The following TTN variants were observed in gnomAD, a reference collection of about 807,000 sequenced individuals.
TTN encodes connectin.
A neutral mutation model predicts 3,223.0 loss-of-function variants in TTN; 1,525 were observed. The observed-to-expected ratio is 0.47, with a 90% CI of 0.45 to 0.49. The LOEUF is 0.49. Ranked by LOEUF, TTN falls within the 20% of genes least tolerant of loss-of-function variation. The probability of loss-of-function intolerance (pLI) is 0.00; values close to 1 mark genes in which losing one functional copy is unlikely to be tolerated. For missense variants in TTN, 40,786 were observed against 43,424.0 expected (o/e 0.94, Z 5.40); for synonymous variants, 14,094 against 15,161.0 (o/e 0.93, Z 5.17).
At chr2:178,690,706 T>C (rs2072181134) in intron 121 of TTN, among the ~76,000 whole-genome samples, 1 of 152,210 alleles carries the variant, frequency 6.6e-6, no homozygotes, top group Non-Finnish European at 1.5e-5. Flanking sequence ...CCTGCACCTC[T>C]GCACGTGCAT....
chr2:178,589,138 C>A lies in TTN; in HGVS notation c.62587G>T (p.Asp20863Tyr). 6.2e-7 allele frequency: 1 copy of A among 1,613,132 alleles called. No homozygotes were observed. The highest frequency in any genetic ancestry group is 1.1e-5 in the South Asian group (1 of 91,072). The change falls in exon 304 of 363, where the codon GAT becomes TAT. Residue 20863 changes from aspartate (D) to tyrosine (Y), a missense_variant. Transcript: ENST00000589042. ...FVAYATVNVL[D>Y]KPGPVRNLKI... The stretch of plus-strand genomic sequence containing the variant: ...AGATTTCTCACAGGACCAGGCTTAT[C>A]TAAAACATTGACAGTGGCATAGGCC...
chr2:178,768,318 A>G (rs2090886166), intron 38 of TTN, among the ~76,000 whole-genome samples, 163 bp from the exon 39 acceptor site: 1 of 152,210 alleles, frequency 6.6e-6, no homozygotes, highest in South Asian at 2.1e-4. Context: ...TCATTCCCCA[A>G]GAAGAAATCA....
Position 178,633,605 on chromosome 2 carries a change from A to C in TTN, c.42754T>G (p.Cys14252Gly), listed in dbSNP as rs1372237054. The C allele has an allele frequency of 5.6e-6, 9 of 1,613,180 alleles. No homozygotes were observed. The African/African-American group carries it at 1.1e-4, about 19-fold the overall frequency. Reference protein sequence around the residue: ...AVEKDEITLKCEVSKDVPVKW... With the variant: ...AVEKDEITLKGEVSKDVPVKW... ...ACTGGTACATCTTTGCTCACTTCAC[A>C]CTTCAAAGTAATCTCATCCTTCTCC... is the stretch of plus-strand genomic sequence containing the variant. The change falls in exon 232 of 363, where the codon TGT (cysteine) becomes GGT (glycine). Residue 14252 changes from cysteine (C) to glycine (G), a missense_variant. Cys to Gly is a radical substitution (Grantham distance 159). Transcript: ENST00000589042.
At position 178,551,842 on chromosome 2, in the gene TTN, C is replaced by T. The variant is rs1244673503; in HGVS notation, c.91058G>A (p.Gly30353Asp). ...AACATGGAATCCAGTAACTTCTGAA[C>T]CACCATCATAAACTGGAGCATCCCA... ...LTWDAPVYDGGSEVTGFHVEK... is the reference protein window; with the variant it reads ...LTWDAPVYDGDSEVTGFHVEK... Residue 30353 changes from glycine to aspartate, a missense_variant, in exon 335 of 363, where the codon GGT becomes GAT. By Grantham distance (94) the Gly-to-Asp change is moderately conservative. Coordinates refer to ENST00000589042, the MANE Select transcript of TTN (RefSeq NM_001267550.2). The T allele has an allele frequency of 1.9e-6, 3 of 1,613,742 alleles. No individual in the cohort carries two copies. Among genetic ancestry groups the T allele is most frequent in the Non-Finnish European group, 2.5e-6 (3 of 1,179,828 alleles).
At position 178,605,028 on chromosome 2, in the gene TTN, C is replaced by T. The variant is rs774572776; in HGVS notation, c.54149G>A (p.Arg18050His). The change falls in exon 280 of 363, where the codon CGC becomes CAC. Residue 18050 changes from arginine (R) to histidine (H), a missense_variant. By Grantham distance (29) the Arg-to-His change is conservative. Coordinates refer to ENST00000589042, the MANE Select transcript of TTN (RefSeq NM_001267550.2). ...AACATTTCGGAACACTGAGCCAAGG[C>T]GATTGGAAGCAGTAACTGTGTAAGT... Reference protein sequence around the residue: ...KGTYTVTASNRLGSVFRNVHV... With the variant: ...KGTYTVTASNHLGSVFRNVHV... The T allele has an allele frequency of 8.7e-6, 14 of 1,605,854 alleles. No individual in the cohort carries two copies. The highest frequency in any genetic ancestry group is 1.3e-5 in the African/African-American group (1 of 74,680).
chr2:178,584,254 A>G, intron 311 of TTN, 22 bp downstream of exon 311: 2 of 1,530,696 alleles, frequency 1.3e-6, no homozygotes, highest in Non-Finnish European at 1.8e-6. Context: ...AACAACAACA[A>G]TAAAAAAACC....
rs557805163 is a variant in TTN, at chr2:178,557,723, G to T, written c.87631C>A (p.Arg29211Ser). 5.6e-6 allele frequency: 9 copies of T among 1,613,890 alleles called. No individual in the cohort carries two copies. In the East Asian group the frequency reaches 2.0e-4, roughly 36 times the overall value. Residue 29211 changes from arginine (R) to serine (S), a missense_variant, in exon 328 of 363, where the codon CGC becomes AGC. Physicochemically the swap from Arg to Ser is moderately radical, Grantham distance 110. Transcript: ENST00000589042. ...KLTTGEEYQF[R>S]IKAENRFGIS... Reference sequence around the variant, plus strand: ...CCAAAGCGGTTTTCTGCCTTGATGCGGAATTGGTATTCTTCTCCTGTGGTC... The same window carrying T: ...CCAAAGCGGTTTTCTGCCTTGATGCTGAATTGGTATTCTTCTCCTGTGGTC...
Position 178,544,289 on chromosome 2 carries a change from T to G in TTN, c.95940A>C (p.Lys31980Asn). ...TCACGGCAGCAACTCTGAAGGAATATTTCTGGCCCATTTTAAGGTCTGGCA... is the reference window on the plus strand; with the variant it reads ...TCACGGCAGCAACTCTGAAGGAATAGTTCTGGCCCATTTTAAGGTCTGGCA... ...FTVPDLKMGQ[K>N]YSFRVAAVNV... The change falls in exon 345 of 363, where the codon AAA becomes AAC. Residue 31980 changes from lysine (K) to asparagine (N), a missense_variant. Coordinates refer to ENST00000589042, the MANE Select transcript of TTN (RefSeq NM_001267550.2). 1 of 1,613,844 alleles carries G rather than the reference T, an allele frequency of 6.2e-7. No individual in the cohort carries two copies. Among genetic ancestry groups the G allele is most frequent in the Non-Finnish European group, 8.5e-7 (1 of 1,179,766 alleles).
chr2:178,573,163 T>A lies in TTN; in HGVS notation c.72969A>T (p.Lys24323Asn). 6.2e-7 allele frequency: 1 copy of A among 1,612,786 alleles called. No individual in the cohort carries two copies. The highest frequency in any genetic ancestry group is 8.5e-7 in the Non-Finnish European group (1 of 1,179,314). Residue 24323 changes from lysine (K) to asparagine (N), a missense_variant, in exon 326 of 363, where the codon AAA becomes AAT. Lys to Asn is a moderately conservative substitution (Grantham distance 94). Transcript: ENST00000589042. ...PFYKACDTVF[K>N]PGPPGNPRVL... ...CACGTGGGTTACCTGGTGGTCCAGGTTTAAACACAGTGTCACAAGCCTTGT... is the reference window on the plus strand; with the variant it reads ...CACGTGGGTTACCTGGTGGTCCAGGATTAAACACAGTGTCACAAGCCTTGT...
chr2:178,574,189 C>A lies in TTN; in HGVS notation c.71943G>T (p.Glu23981Asp), dbSNP rs1559434457. The change falls in exon 326 of 363, where the codon GAG (glutamate) becomes GAT (aspartate). Residue 23981 changes from glutamate to aspartate, a missense_variant. By Grantham distance (45) the Glu-to-Asp change is conservative. Transcript: ENST00000589042. ...TTAGGCCACTGACTGTAAATTCATT[C>A]TCCAAAATGTTGCTGAAGTTGGCCT... ...WLKANFSNIL[E>D]NEFTVSGLTE... The A allele has an allele frequency of 6.2e-7, 1 of 1,613,554 alleles. No homozygotes were observed. The highest frequency in any genetic ancestry group is 8.5e-7 in the Non-Finnish European group (1 of 1,179,646).
At position 178,672,692 on chromosome 2, in the gene TTN, T is replaced by C. The variant is rs1478958809; in HGVS notation, c.34798A>G (p.Ile11600Val). The C allele has an allele frequency of 6.2e-7, 1 of 1,605,012 alleles. No individual in the cohort carries two copies. The highest frequency in any genetic ancestry group is 8.5e-7 in the Non-Finnish European group (1 of 1,174,994). Residue 11600 changes from isoleucine (I) to valine (V), a missense_variant, in exon 153 of 363, where the codon ATT becomes GTT. By Grantham distance (29) the Ile-to-Val change is conservative (BLOSUM62 3). Transcript: ENST00000589042. The part of the protein sequence containing the change: ...EAPPAKVSKK[I>V]PEEKVPVPVQ... ...GGAACAGGTACTTTTTCCTCAGGAATTTTCTTTGACACTTTAAAGATATTA... is the reference window on the plus strand; with the variant it reads ...GGAACAGGTACTTTTTCCTCAGGAACTTTCTTTGACACTTTAAAGATATTA...
chr2:178,766,054 A>C (rs2090340162), intron 41 of TTN, among the ~76,000 whole-genome samples: 1 of 152,294 alleles, frequency 6.6e-6, no homozygotes, highest in Middle Eastern at 3.4e-3. Flanking sequence ...GTTCAGGCAG[A>C]GGGCAGAGAA....
intron 263 of TTN, 79 bp from the exon 264 acceptor site, chr2:178,613,355 CTAATT>C (rs1454653889): frequency 4.1e-5 from 44 of 1,080,284 alleles, no homozygotes; most frequent in Non-Finnish European, 5.6e-5. Context: ...ACAGAAGAGA[CTAATT>C]TATTTAAATT....
Position 178,733,953 on chromosome 2 carries a change from A to G in TTN, c.15497-61T>C, listed in dbSNP as rs559934281. ...TTCCCAAACACTTTCAACACCATCT[A>G]TATTTAAGAGTTTTTTCAAGATTAT... On this transcript the variant is annotated intron_variant, in intron 52 of 362. Coordinates refer to ENST00000589042, the MANE Select transcript of TTN (RefSeq NM_001267550.2). 2.1e-6 allele frequency: 3 copies of G among 1,454,302 alleles called. No homozygotes were observed. The East Asian group carries it at 7.0e-5, about 34-fold the overall frequency. 90.1% of individuals were successfully genotyped at this position (1,454,302 alleles called of 1,614,324 possible). A position where few individuals can be genotyped will look rare whatever the true frequency, so the allele number is the denominator to read the frequency against.
Position 178,677,252 on chromosome 2 carries a change from T to C in TTN, c.34327A>G (p.Lys11443Glu), listed in dbSNP as rs1483976941. The C allele has an allele frequency of 3.3e-6, 4 of 1,221,434 alleles. No individual in the cohort carries two copies. The allele number at this position is 1,221,434 out of a possible 1,614,324, so 75.7% of individuals were successfully genotyped here. A position where few individuals can be genotyped will look rare whatever the true frequency, so the allele number is the denominator to read the frequency against. Residue 11443 changes from lysine to glutamate, a missense_variant, in exon 147 of 363, where the codon AAA (lysine) becomes GAA (glutamate). By Grantham distance (56) the Lys-to-Glu change is moderately conservative. Transcript: ENST00000589042. ...TTTTTAGGGGCGGGAACAGGGACTT[T>C]CTTCTCTGGTACAGGTTTCTTTGGC... ...EVPKKPVPEK[K>E]VPVPAPKKVE... is the part of the protein sequence containing the mutation.
rs1389245451 is a variant in TTN at position 178,679,916 on chromosome 2, C to T, written c.33558G>A (p.Val11186=). The change falls in exon 140 of 363, where the codon GTG becomes GTA. Residue 11186 remains valine, a synonymous_variant. Coordinates refer to ENST00000589042, the MANE Select transcript of TTN (RefSeq NM_001267550.2). ...TACCTTTGACTGGTATCACTGGCAC[C>T]ACTTCTTCCTCAGTTATGAACTCCT... The part of the protein sequence containing the change: ...EEEEFITEEE[V]VPVIPVKVPE... 3 of 1,612,956 alleles carry T rather than the reference C, an allele frequency of 1.9e-6. No individual in the cohort carries two copies. Among genetic ancestry groups the T allele is most frequent in the Non-Finnish European group, 2.5e-6 (3 of 1,179,376 alleles).
Position 178,528,844 on chromosome 2 carries a change from A to C in TTN, c.106907T>G (p.Val35636Gly), listed in dbSNP as rs1482221696. Residue 35636 changes from valine (V) to glycine (G), a missense_variant, in exon 360 of 363, where the codon GTG becomes GGG. Physicochemically the swap from Val to Gly is moderately radical, Grantham distance 109. Coordinates refer to ENST00000589042, the MANE Select transcript of TTN (RefSeq NM_001267550.2). Reference protein sequence around the residue: ...LKANIAGATDVKWVLNGVELT... With the variant: ...LKANIAGATDGKWVLNGVELT... ...CTCTACGCCATTCAGTACCCATTTC[A>C]CATCAGTGGCACCAGCAATGTTGGC... 1 of 1,613,816 alleles carries C rather than the reference A, an allele frequency of 6.2e-7. No homozygotes were observed. The highest frequency in any genetic ancestry group is 8.5e-7 in the Non-Finnish European group (1 of 1,179,882).
At chr2:178,666,118 C>G (rs560514516) in intron 163 of TTN, among the ~76,000 whole-genome samples, 1 of 152,214 alleles carries the variant, frequency 6.6e-6, no homozygotes, top group African/African-American at 2.4e-5. Flanking sequence ...TTCGAAAAAT[C>G]TAGGTCGGCA....
In TTN at chr2:178,591,134, C is replaced by T; in HGVS notation, c.60591G>A (p.Lys20197=). 6.2e-7 allele frequency: 1 copy of T among 1,613,242 alleles called. No individual in the cohort carries two copies. The highest frequency in any genetic ancestry group is 1.1e-5 in the South Asian group (1 of 91,048). Residue 20197 remains lysine (K), a synonymous_variant, in exon 304 of 363, where the codon AAG becomes AAA. Coordinates refer to ENST00000589042, the MANE Select transcript of TTN (RefSeq NM_001267550.2). ...EHMTISWQPP[K]DDGGSPVINY... is the part of the protein sequence containing the mutation. ...TTATCACAGGGCTTCCTCCATCATC[C>T]TTAGGTGGCTGCCATGAGATAGTCA...
Sources: gnomAD v4.1 joint callset for allele counts (sites outside exome capture counted in the v4.1 genomes callset) on GRCh38, gnomAD v4.1.1 for gene constraint, MANE v1.5 for transcripts, NCBI Gene and HGNC (gene_info 2026-07-23, HGNC 2026-07-21) for gene names.